The following CTNNA3 variants were observed in gnomAD, a reference collection of about 807,000 sequenced individuals.
CTNNA3 encodes the protein catenin alpha 3.
CTNNA3 carries 76 observed loss-of-function variants against 95.7 expected under a neutral mutation model. That is an observed-to-expected ratio of 0.79 (90% CI 0.66 to 0.96). CTNNA3 has a LOEUF of 0.96. CTNNA3 is among the 40% of genes least tolerant of loss of function. The probability of loss-of-function intolerance (pLI) is 0.00; values close to 1 mark genes in which losing one functional copy is unlikely to be tolerated. For missense variants in CTNNA3, 1,191 were observed against 1,089.8 expected, an observed-to-expected ratio of 1.09 and a Z score of -1.31; for synonymous variants, 431 against 374.4, an observed-to-expected ratio of 1.15 and a Z score of -1.74.
chr10:67,684,788 T>G (rs1840698503), intron 1 of CTNNA3, among the ~76,000 whole-genome samples: 1 of 152,166 alleles, frequency 6.6e-6, no homozygotes, highest in Admixed American at 6.5e-5. Flanking sequence ...ACGAAGAGGT[T>G]AAAAATACAG....
At chr10:67,359,471 C>T (rs528023258) in intron 5 of CTNNA3, among the ~76,000 whole-genome samples, 51 of 152,064 alleles carry the variant, frequency 3.4e-4, no homozygotes, top group Admixed American at 6.6e-4. Flanking sequence ...AGTTGAAAGC[C>T]AATCCAAGGA....
At chr10:65,991,949 T>C (rs1197223098) in intron 15 of CTNNA3, among the ~76,000 whole-genome samples, 1 of 152,120 alleles carries the variant, frequency 6.6e-6, no homozygotes, top group Non-Finnish European at 1.5e-5. Context: ...TTGAGAGTTT[T>C]CATCATGAAA....
chr10:66,610,917 A>T (rs1174529015), intron 10 of CTNNA3, among the ~76,000 whole-genome samples: 5 of 152,146 alleles, frequency 3.3e-5, no homozygotes, highest in Non-Finnish European at 5.9e-5. Flanking sequence ...TAAATAAAAA[A>T]ATGTGGCATA....
intron 1 of CTNNA3, among the ~76,000 whole-genome samples, chr10:67,756,206 A>G (rs931751334): frequency 6.6e-6 from 1 of 152,160 alleles, no homozygotes; most frequent in Middle Eastern, 3.2e-3. Context: ...TAACGGGTAC[A>G]TATTTACACC....
chr10:66,236,509 C>T (rs2089861673), intron 13 of CTNNA3, among the ~76,000 whole-genome samples: 1 of 152,072 alleles, frequency 6.6e-6, no homozygotes, highest in Non-Finnish European at 1.5e-5. Context: ...GAGGGAATGT[C>T]ACCTGTCAGT....
intron 1 of CTNNA3, among the ~76,000 whole-genome samples, chr10:67,730,142 C>T (rs953413535): frequency 2.0e-5 from 3 of 152,112 alleles, no homozygotes; most frequent in Non-Finnish European, 4.4e-5. Context: ...AGTCTAACTT[C>T]ATACATGTTC....
chr10:67,398,297 AT>A (rs1844792769), intron 5 of CTNNA3, among the ~76,000 whole-genome samples: 1 of 152,244 alleles, frequency 6.6e-6, no homozygotes, highest in South Asian at 2.1e-4. Flanking sequence ...GATGTGAGAC[AT>A]GAAGTCAAAG....
intron 11 of CTNNA3, among the ~76,000 whole-genome samples, chr10:66,520,245 C>CTTTTTTTTTTTTTTTTTTTT: frequency 1.3e-5 from 1 of 78,012 alleles, no homozygotes; most frequent in Non-Finnish European, 2.3e-5. Flanking sequence ...TAGTATTATT[C>CTTTTTTTTTTTTTTTTTTTT]TTTTTTTTTT....
chr10:67,581,549 G>C (rs1377947492), intron 3 of CTNNA3, among the ~76,000 whole-genome samples: 1 of 152,104 alleles, frequency 6.6e-6, no homozygotes, highest in Non-Finnish European at 1.5e-5. Context: ...TCCAGGCTTT[G>C]GTATCAGGAT....
intron 1 of CTNNA3, among the ~76,000 whole-genome samples, chr10:67,662,869 C>T (rs923487273): frequency 8.6e-5 from 13 of 151,972 alleles, no homozygotes; most frequent in Admixed American, 4.6e-4. Context: ...AGTTATTTCT[C>T]GGTAAATTTG....
intron 15 of CTNNA3, among the ~76,000 whole-genome samples, chr10:66,003,241 T>C (rs1418240014): frequency 1.3e-5 from 2 of 152,164 alleles, no homozygotes; most frequent in Non-Finnish European, 1.5e-5. Context: ...GGATAGAGTG[T>C]ATTTTCAAGA....
intron 12 of CTNNA3, among the ~76,000 whole-genome samples, chr10:66,336,404 T>C (rs2132339211): frequency 6.6e-6 from 1 of 152,224 alleles, no homozygotes; most frequent in African/African-American, 2.4e-5. Context: ...CTTACCTAAT[T>C]TGATTACCCA....
At position 66,930,599 on chromosome 10, in the gene CTNNA3, T is replaced by C. The variant is rs539420866; in HGVS notation, c.1048-155075A>G. On this transcript the variant is annotated intron_variant, in intron 7 of 17. Transcript: ENST00000433211. ...ACTTGTGATGGATACCAAATATATT[T>C]AGGCAAGGAATACTTATATTTTTGA... Among the ~76,000 whole-genome samples the C allele has an allele frequency of 3.3e-5, 5 of 152,270 alleles. No homozygotes were observed. The East Asian group carries it at 9.7e-4, about 29-fold the overall frequency.
chr10:66,008,792 G>A (rs1200207144), intron 15 of CTNNA3, among the ~76,000 whole-genome samples: 1 of 152,118 alleles, frequency 6.6e-6, no homozygotes, highest in Non-Finnish European at 1.5e-5. Context: ...TTGTGAATGA[G>A]TATTAGAGGA....
chr10:67,452,176 C>T (rs1425902521), intron 5 of CTNNA3, among the ~76,000 whole-genome samples: 3 of 151,478 alleles, frequency 2.0e-5, no homozygotes, highest in Non-Finnish European at 4.4e-5. Context: ...AATTCCAGGG[C>T]GTTGTTAATT....
chr10:67,566,204 C>G lies in CTNNA3; in HGVS notation c.293-26535G>C, dbSNP rs1394798209. Among the ~76,000 whole-genome samples the G allele has an allele frequency of 6.5e-4, 92 of 140,932 alleles. 1 individual carries two copies. The highest frequency in any genetic ancestry group is 1.0e-3 in the Non-Finnish European group (66 of 64,148). The allele number at this position is 140,932 out of a possible 152,430, so 92.5% of individuals were successfully genotyped here. On this transcript the variant is annotated intron_variant, in intron 3 of 17. Coordinates refer to ENST00000433211, the MANE Select transcript of CTNNA3 (RefSeq NM_013266.4). ...ATTAAACTAAAGAGCTTCTGCACAG[C>G]AAAAGAAACTACCATCAGAGTGAAC...
At chr10:67,700,891 G>A (rs955173848), upstream of CTNNA3, among the ~76,000 whole-genome samples, 3 of 152,168 alleles carry the variant, frequency 2.0e-5, no homozygotes, top group East Asian at 1.9e-4. Context: ...AAATTTAGAC[G>A]AATATATAAC....
At chr10:66,318,276 ATGTGTG>A (rs138734509) in intron 12 of CTNNA3, among the ~76,000 whole-genome samples, 21 of 136,656 alleles carry the variant, frequency 1.5e-4, no homozygotes, top group African/African-American at 2.7e-4. Context: ...ATATATATAT[ATGTGTG>A]TGTGTGTGTG....
intron 3 of CTNNA3, among the ~76,000 whole-genome samples, chr10:67,579,979 A>C (rs1418134075): frequency 2.0e-5 from 3 of 152,146 alleles, no homozygotes; most frequent in Non-Finnish European, 2.9e-5. Flanking sequence ...GGTAGATTGA[A>C]AAAATTTTCT....
Sources: gnomAD v4.1 joint callset for allele counts (sites outside exome capture counted in the v4.1 genomes callset) on GRCh38, gnomAD v4.1.1 for gene constraint, MANE v1.5 for transcripts, NCBI Gene and HGNC (gene_info 2026-07-23, HGNC 2026-07-21) for gene names.